Variants in IAPP observed in about 807,000 individuals in gnomAD.
IAPP encodes the protein Islet amyloid polypeptide (diabetes-associated peptide; amylin).
A neutral mutation model predicts 2.9 loss-of-function variants in IAPP; 4 were observed. That is an observed-to-expected ratio of 1.39 (90% CI 0.69 to 3.19). The LOEUF (loss-of-function observed/expected upper bound fraction) is 3.19, where lower values mean the gene tolerates loss of function less well. Ranked by LOEUF, IAPP falls within the 30% of genes most tolerant of loss-of-function variation. The probability of loss-of-function intolerance (pLI) is 0.01; values close to 1 mark genes in which losing one functional copy is unlikely to be tolerated. For synonymous variants in IAPP, 40 were observed against 42.1 expected (o/e 0.95, Z 0.19); for missense variants, 114 against 105.3 (o/e 1.08, Z -0.36).
chr12:21,362,983 C>G (rs998156515), intron 1 of IAPP, among the ~76,000 whole-genome samples: 7 of 152,132 alleles, frequency 4.6e-5, no homozygotes, highest in African/African-American at 1.4e-4. Flanking sequence ...TTAGACAGAT[C>G]AACAAGACAG....
chr12:21,368,386 C>T (rs903535988), upstream of IAPP, among the ~76,000 whole-genome samples: 5 of 151,892 alleles, frequency 3.3e-5, no homozygotes, highest in African/African-American at 9.7e-5. Flanking sequence ...TGAAAAATAA[C>T]GGACAGAAAA....
At chr12:21,373,239 A>G in intron 1 of IAPP, 98 bp from the exon 2 acceptor site, 1 of 787,646 alleles carries the variant, frequency 1.3e-6, no homozygotes. Flanking sequence ...TTACGTTTTA[A>G]AAAGATGTTT....
intron 1 of IAPP, among the ~76,000 whole-genome samples, chr12:21,361,564 C>T (rs1405948383): frequency 6.6e-6 from 1 of 152,138 alleles, no homozygotes; most frequent in Non-Finnish European, 1.5e-5. Context: ...CAGAAGAAGG[C>T]TTCAGAAGAT....
chr12:21,367,436 A>G (rs1445761180), intron 1 of IAPP, among the ~76,000 whole-genome samples: 1 of 152,160 alleles, frequency 6.6e-6, no homozygotes, highest in East Asian at 1.9e-4. Flanking sequence ...GGAGAAAAGC[A>G]GAAGGTCAGA....
At position 21,378,145 on chromosome 12, in the gene IAPP, G is replaced by T. The variant is rs1940341249; in HGVS notation, c.81-92G>T. The T allele has an allele frequency of 3.3e-6, 4 of 1,194,824 alleles. No individual in the cohort carries two copies. In the East Asian group the frequency reaches 9.4e-5, roughly 28 times the overall value. The allele number at this position is 1,194,824 out of a possible 1,614,324, so 74.0% of individuals were successfully genotyped here. The stretch of plus-strand genomic sequence containing the variant: ...TACTTATGTGAAAATTGTTTCTTTG[G>T]TTTTCATCAATACAAGATATTTGAT... On this transcript the variant is annotated intron_variant, in intron 2 of 2. Coordinates refer to ENST00000240652, the MANE Select transcript of IAPP (RefSeq NM_000415.3).
intron 1 of IAPP, among the ~76,000 whole-genome samples, chr12:21,361,189 C>T (rs28788610): frequency 0.091 from 13,846 of 152,168 alleles, 1,032 homozygotes; most frequent in East Asian, 0.4. Context: ...GACAAAGCTT[C>T]CAGAGGAAGG....
chr12:21,370,264 T>A (rs1939680297), upstream of IAPP, among the ~76,000 whole-genome samples: 1 of 152,118 alleles, frequency 6.6e-6, no homozygotes, highest in African/African-American at 2.4e-5. Context: ...AAGTGGGATA[T>A]CGCATATCAA....
At chr12:21,371,934 A>C (rs922156036), upstream of IAPP, among the ~76,000 whole-genome samples, 4 of 151,972 alleles carry the variant, frequency 2.6e-5, no homozygotes, top group African/African-American at 9.7e-5. Flanking sequence ...CCCGGGAGGC[A>C]CAGGTTACAG....
chr12:21,368,332 AATTCT>A (rs1399195576), upstream of IAPP, among the ~76,000 whole-genome samples: 1 of 152,174 alleles, frequency 6.6e-6, no homozygotes, highest in Non-Finnish European at 1.5e-5. Flanking sequence ...GGATGTGGGA[AATTCT>A]ACACAACAAA....
chr12:21,359,526 A>C (rs916319172), intron 1 of IAPP, among the ~76,000 whole-genome samples: 6 of 152,194 alleles, frequency 3.9e-5, no homozygotes, highest in Non-Finnish European at 8.8e-5. Flanking sequence ...ACCATTTGGC[A>C]AGCCATGTCC....
intron 1 of IAPP, among the ~76,000 whole-genome samples, chr12:21,361,009 T>C (rs1458299904): frequency 1.3e-5 from 2 of 152,080 alleles, no homozygotes. Flanking sequence ...GACTTAAACA[T>C]CCCTGTCTGA....
upstream of IAPP, among the ~76,000 whole-genome samples, chr12:21,369,038 G>A (rs1394966865): frequency 2.0e-5 from 3 of 151,972 alleles, no homozygotes; most frequent in Non-Finnish European, 4.4e-5. Context: ...AAAATTTATG[G>A]GTGGGCAGAA....
rs1040472080 is a variant in IAPP, at chr12:21,379,864, G to A, written c.*1438G>A. 5.3e-5 allele frequency: 8 copies of A among 152,128 alleles called. No homozygotes were observed. Among genetic ancestry groups the A allele is most frequent in the South Asian group, 2.1e-4 (1 of 4,824 alleles). 9.4% of individuals were successfully genotyped at this position (152,128 alleles called of 1,614,324 possible). ...AGGTTACCAAATTGTAGAGGCTTTC[G>A]TTGGTGGTGGTAAGTGGTAGCGGTA... On this transcript the variant is annotated 3_prime_UTR_variant, in exon 3 of 3. Coordinates refer to ENST00000240652, the MANE Select transcript of IAPP (RefSeq NM_000415.3).
upstream of IAPP, among the ~76,000 whole-genome samples, chr12:21,370,658 C>T (rs1939717158): frequency 6.6e-6 from 1 of 151,930 alleles, no homozygotes; most frequent in African/African-American, 2.4e-5. Context: ...CCCTTAACAT[C>T]TTAGAGAAAC....
intron 1 of IAPP, among the ~76,000 whole-genome samples, chr12:21,355,353 C>T (rs1938281897): frequency 6.6e-6 from 1 of 152,080 alleles, no homozygotes; most frequent in African/African-American, 2.4e-5. Context: ...TAAGTTAAGA[C>T]AAACATATTT....
chr12:21,378,220 T>C lies in IAPP; in HGVS notation c.81-17T>C. ...ATTCTAAGGCTCTAACTTTTCACAT[T>C]TGTTCCATGTTACCAGTCATCAGGT... On this transcript the variant is annotated splice_polypyrimidine_tract_variant and intron_variant, in intron 2 of 2. Coordinates refer to ENST00000240652, the MANE Select transcript of IAPP (RefSeq NM_000415.3). 1 of 1,612,940 alleles carries C rather than the reference T, an allele frequency of 6.2e-7. No homozygotes were observed. The highest frequency in any genetic ancestry group is 8.5e-7 in the Non-Finnish European group (1 of 1,178,884).
At chr12:21,374,523 C>G (rs1368715843) in intron 2 of IAPP, 2 of 152,186 alleles carry the variant, frequency 1.3e-5, no homozygotes, top group Non-Finnish European at 2.9e-5. Flanking sequence ...ATTTCTACAG[C>G]ACCTACGTAT....
chr12:21,371,157 G>C (rs1939761085), upstream of IAPP, among the ~76,000 whole-genome samples: 1 of 152,282 alleles, frequency 6.6e-6, no homozygotes, highest in African/African-American at 2.4e-5. Context: ...TGGGTCATCT[G>C]GTCATTGCCC....
intron 1 of IAPP, among the ~76,000 whole-genome samples, chr12:21,355,644 T>C (rs11834777): frequency 0.037 from 5,691 of 152,222 alleles, 370 homozygotes; most frequent in African/African-American, 0.13. Context: ...CAACCAAATC[T>C]TTTCTCAGGG....
Sources: allele counts gnomAD v4.1 joint callset (sites outside exome capture counted in the v4.1 genomes callset), GRCh38; gene constraint gnomAD v4.1.1; transcripts MANE v1.5; gene names NCBI Gene and HGNC (gene_info 2026-07-23, HGNC 2026-07-21).